GATAD2B: variants seen among roughly 807,000 people sequenced by gnomAD.
GATAD2B encodes transcriptional repressor p66-beta.
A neutral mutation model predicts 64.3 loss-of-function variants in GATAD2B; 8 were observed. That is an observed-to-expected ratio of 0.12 (90% CI 0.07 to 0.22). The LOEUF is 0.22. GATAD2B is among the 10% of genes least tolerant of loss of function. The pLI is 1.00. For missense variants in GATAD2B, 453 were observed against 752.0 expected (o/e 0.60, Z 4.65); for synonymous variants, 281 against 271.3 (o/e 1.04, Z -0.35).
chr1:153,808,792 T>A lies in GATAD2B; in HGVS notation c.*1385A>T, dbSNP rs1674185787. On this transcript the variant is annotated 3_prime_UTR_variant, in exon 11 of 11. Transcript: ENST00000368655. ...CAATTCAATTCATTCTCTACATTAG[T>A]AGCGCTTAAAAAAAAAAAAAAAAAA... 8.1e-6 allele frequency: 1 copy of A among 123,122 alleles called. No individual in the cohort carries two copies. The allele number at this position is 123,122 out of a possible 1,614,324, so 7.6% of individuals were successfully genotyped here.
intron 1 of GATAD2B, among the ~76,000 whole-genome samples, chr1:153,896,762 T>A (rs544085198): frequency 2.6e-5 from 4 of 152,018 alleles, no homozygotes; most frequent in African/African-American, 9.6e-5. Flanking sequence ...TCAAGGTCAA[T>A]GAAGCAACTC....
intron 7 of GATAD2B, among the ~76,000 whole-genome samples, chr1:153,814,530 T>C (rs1674390389): frequency 1.3e-5 from 2 of 152,080 alleles, no homozygotes; most frequent in South Asian, 4.1e-4. Flanking sequence ...CCCAACACTT[T>C]GGGAGGCTGA....
intron 1 of GATAD2B, among the ~76,000 whole-genome samples, chr1:153,876,992 G>A (rs748605527): frequency 4.6e-5 from 7 of 152,142 alleles, no homozygotes; most frequent in African/African-American, 1.4e-4. Flanking sequence ...ACTCCAGCCT[G>A]GGTGAAAGGC....
At chr1:153,810,846 C>T (rs1360776331) in intron 10 of GATAD2B, among the ~76,000 whole-genome samples, 1 of 152,134 alleles carries the variant, frequency 6.6e-6, no homozygotes, top group African/African-American at 2.4e-5. Flanking sequence ...TCACTGCAAG[C>T]CCCACCTCCC....
chr1:153,857,825 ACT>A (rs1208592673), intron 1 of GATAD2B, among the ~76,000 whole-genome samples: 1 of 152,116 alleles, frequency 6.6e-6, no homozygotes, highest in Non-Finnish European at 1.5e-5. Flanking sequence ...GTTTTTTAAA[ACT>A]CTGAATTAGA....
At chr1:153,837,541 T>A (rs998386855) in intron 1 of GATAD2B, among the ~76,000 whole-genome samples, 1 of 152,206 alleles carries the variant, frequency 6.6e-6, no homozygotes, top group East Asian at 1.9e-4. Context: ...ATCCACTGAA[T>A]TATATACTTA....
chr1:153,833,811 CAAA>C (rs71093292), intron 1 of GATAD2B, among the ~76,000 whole-genome samples: 5 of 61,886 alleles, frequency 8.1e-5, no homozygotes, highest in Admixed American at 4.3e-4. Flanking sequence ...ACTCAGTCTC[CAAA>C]AAAAAAAAAA....
chr1:153,888,088 A>G (rs1488884278), intron 1 of GATAD2B, among the ~76,000 whole-genome samples: 1 of 141,704 alleles, frequency 7.1e-6, no homozygotes, highest in Non-Finnish European at 1.5e-5. Flanking sequence ...CTCTATCTCA[A>G]AAAAAAAAAA....
At chr1:153,828,420 G>A (rs1039635743) in intron 1 of GATAD2B, 72 bp from the exon 2 acceptor site, 15 of 1,042,202 alleles carry the variant, frequency 1.4e-5, no homozygotes, top group Non-Finnish European at 2.0e-5. Context: ...AAGGTGGAAT[G>A]GTGAAGTTAT....
At chr1:153,880,484 A>G (rs2101939104) in intron 1 of GATAD2B, among the ~76,000 whole-genome samples, 1 of 151,902 alleles carries the variant, frequency 6.6e-6, no homozygotes, top group African/African-American at 2.4e-5. Context: ...CAAAAACAAA[A>G]AACAAAAAAG....
At chr1:153,889,900 G>A (rs967899026) in intron 1 of GATAD2B, among the ~76,000 whole-genome samples, 3 of 152,040 alleles carry the variant, frequency 2.0e-5, no homozygotes, top group East Asian at 3.9e-4. Context: ...CCAGTGGGGC[G>A]CGGTGGCTCA....
intron 1 of GATAD2B, among the ~76,000 whole-genome samples, chr1:153,840,476 T>C (rs1424470321): frequency 6.6e-6 from 1 of 152,060 alleles, no homozygotes; most frequent in East Asian, 1.9e-4. Context: ...TAGCTAGGAT[T>C]ACAGGCATGC....
chr1:153,860,146 C>T (rs1454935659), intron 1 of GATAD2B, among the ~76,000 whole-genome samples: 2 of 151,426 alleles, frequency 1.3e-5, no homozygotes, highest in Non-Finnish European at 2.9e-5. Flanking sequence ...AACTCCTGAC[C>T]TCAAGTAATC....
At chr1:153,916,277 G>GAAAAAAA (rs200305010) in intron 1 of GATAD2B, among the ~76,000 whole-genome samples, 4 of 92,602 alleles carry the variant, frequency 4.3e-5, no homozygotes, top group Admixed American at 9.9e-5. Flanking sequence ...TCCACCTCAA[G>GAAAAAAA]AAAAAAAAAA....
chr1:153,853,312 A>G (rs1675970101), intron 1 of GATAD2B: 1 of 809,274 alleles, frequency 1.2e-6, no homozygotes, highest in African/African-American at 1.7e-5. Flanking sequence ...CTTTGTACTG[A>G]CATGGGCTGA....
At chr1:153,922,568 G>A (rs1436954786) in intron 1 of GATAD2B, among the ~76,000 whole-genome samples, 165 bp downstream of exon 1, 1 of 150,284 alleles carries the variant, frequency 6.7e-6, no homozygotes, top group South Asian at 2.1e-4. Flanking sequence ...GCGGGGGCGC[G>A]CGGGCGGGCG....
chr1:153,867,973 C>A (rs1484159210), intron 1 of GATAD2B, among the ~76,000 whole-genome samples: 1 of 151,446 alleles, frequency 6.6e-6, no homozygotes, highest in Non-Finnish European at 1.5e-5. Flanking sequence ...CTGAGGTGGG[C>A]AGATCACCTG....
chr1:153,906,098 C>T (rs1336721417), intron 1 of GATAD2B, among the ~76,000 whole-genome samples: 1 of 149,566 alleles, frequency 6.7e-6, no homozygotes. Flanking sequence ...CTCCCCCGCA[C>T]CCCACACACA....
Position 153,859,257 on chromosome 1 carries a change from C to T in GATAD2B, c.-1-30909G>A, listed in dbSNP as rs536414332. Reference sequence around the variant, plus strand: ...TGGAGTGTGCCTGTTGTTCCAGCTACTCAGGAGGCTGGGGTGGGAGGATTG... The same window carrying T: ...TGGAGTGTGCCTGTTGTTCCAGCTATTCAGGAGGCTGGGGTGGGAGGATTG... On this transcript the variant is annotated intron_variant, in intron 1 of 10. Transcript: ENST00000368655. 5.3e-5 allele frequency among the ~76,000 whole-genome samples: 8 copies of T among 151,592 alleles called. No individual in the cohort carries two copies. In the South Asian group the frequency reaches 1.7e-3, roughly 32 times the overall value.
Sources: gnomAD v4.1 joint callset for allele counts (sites outside exome capture counted in the v4.1 genomes callset) on GRCh38, gnomAD v4.1.1 for gene constraint, MANE v1.5 for transcripts, NCBI Gene and HGNC (gene_info 2026-07-23, HGNC 2026-07-21) for gene names.